Variants in METTL15 observed in about 807,000 individuals in gnomAD.
METTL15 encodes the protein 12S rRNA N(4)-cytidine methyltransferase METTL15.
METTL15 carries 34 observed loss-of-function variants against 38.3 expected under a neutral mutation model. That is an observed-to-expected ratio of 0.89 (90% confidence interval 0.68 to 1.18). The LOEUF (loss-of-function observed/expected upper bound fraction) is 1.18. METTL15 is among the 50% of genes most tolerant of loss of function. The pLI is 0.00. For synonymous variants in METTL15, 162 were observed against 170.9 expected (o/e 0.95, Z 0.41); for missense variants, 438 against 498.4 (o/e 0.88, Z 1.15).
chr11:28,275,452 G>A (rs181900703), intron 4 of METTL15, among the ~76,000 whole-genome samples: 69 of 151,966 alleles, frequency 4.5e-4, no homozygotes, highest in Middle Eastern at 3.4e-3. Flanking sequence ...GCAAGGTTGA[G>A]TCAGTAATAA....
intron 3 of METTL15, among the ~76,000 whole-genome samples, chr11:28,122,984 A>G (rs1852316043): frequency 6.6e-6 from 1 of 152,142 alleles, no homozygotes; most frequent in Non-Finnish European, 1.5e-5. Flanking sequence ...TTATGGTTTC[A>G]TAGTTGATAA....
chr11:28,395,922 G>A (rs1850563367), intron 5 of METTL15, among the ~76,000 whole-genome samples: 1 of 152,042 alleles, frequency 6.6e-6, no homozygotes, highest in African/African-American at 2.4e-5. Flanking sequence ...TTCATCCCTG[G>A]GATGCAAGGC....
chr11:28,421,047 CAAAT>C (rs772047575), intron 5 of METTL15, among the ~76,000 whole-genome samples: 2 of 151,770 alleles, frequency 1.3e-5, no homozygotes, highest in Non-Finnish European at 2.9e-5. Flanking sequence ...TGCAAAAACT[CAAAT>C]TAATAGTCAA....
intron 4 of METTL15, among the ~76,000 whole-genome samples, chr11:28,222,748 T>C (rs1371355123): frequency 2.0e-5 from 3 of 152,134 alleles, no homozygotes; most frequent in East Asian, 1.9e-4. Flanking sequence ...AAAATAAATA[T>C]GATTATGTAA....
Position 28,113,422 on chromosome 11 carries a change from C to G in METTL15, c.88C>G (p.Pro30Ala), listed in dbSNP as rs953667667. ...ESGIPNLGVWPNRIHTTAEKY... is the reference protein window; with the variant it reads ...ESGIPNLGVWANRIHTTAEKY... The stretch of plus-strand genomic sequence containing the variant: ...TGGCATACCTAATTTAGGTGTCTGG[C>G]CAAACAGAATACATACTACAGCAGA... The change falls in exon 3 of 7, where the codon CCA (proline) becomes GCA (alanine). Residue 30 changes from proline to alanine, a missense_variant. Pro to Ala is a conservative substitution (Grantham distance 27, BLOSUM62 -1). Transcript: ENST00000407364. 11 of 1,595,830 alleles carry G rather than the reference C, an allele frequency of 6.9e-6. No homozygotes were observed. The Admixed American group carries it at 1.5e-4, about 22-fold the overall frequency.
intron 5 of METTL15, among the ~76,000 whole-genome samples, chr11:28,383,795 A>G (rs1259306574): frequency 1.3e-5 from 2 of 152,026 alleles, no homozygotes; most frequent in Non-Finnish European, 2.9e-5. Context: ...TCCTTTGACC[A>G]CTTTTATTTT....
intron 6 of METTL15, among the ~76,000 whole-genome samples, chr11:28,430,834 C>CCCGTCCGGGAGGGAGG (rs1165362527): frequency 9.9e-6 from 1 of 101,062 alleles, no homozygotes; most frequent in Admixed American, 9.4e-5. Context: ...GGCCAGCCGC[C>CCCGTCCGGGAGGGAGG]TGGTCCGGGA....
intron 5 of METTL15, among the ~76,000 whole-genome samples, chr11:28,402,600 C>A (rs906846977): frequency 6.6e-6 from 1 of 151,934 alleles, no homozygotes; most frequent in South Asian, 2.1e-4. Context: ...CTGTCACTTT[C>A]AGAGGCAGAG....
chr11:28,509,354 T>G (rs1851655957), intron 6 of METTL15, among the ~76,000 whole-genome samples: 1 of 152,212 alleles, frequency 6.6e-6, no homozygotes, highest in South Asian at 2.1e-4. Context: ...AGCATAGTGC[T>G]TAGCACAAAG....
At position 28,495,431 on chromosome 11, in the gene METTL15, C is replaced by A. The variant is rs143041204; in HGVS notation, c.*425-31047C>A. Among the ~76,000 whole-genome samples, 769 of 152,262 alleles carry A rather than the reference C, an allele frequency of 5.1e-3. 3 individuals carry two copies. Among genetic ancestry groups the A allele is most frequent in the African/African-American group, 0.017 (719 of 41,540 alleles). On this transcript the variant is annotated intron_variant and NMD_transcript_variant, in intron 6 of 7. Coordinates refer to the METTL15 transcript ENST00000532947. ...CAATAATGAGAGTCCAGCTAATTTG[C>A]AAGCTCTCCCCTATTAAAGATGCTG...
chr11:28,214,988 A>T (rs1565173060), intron 4 of METTL15, among the ~76,000 whole-genome samples: 3 of 152,212 alleles, frequency 2.0e-5, no homozygotes, highest in Admixed American at 2.0e-4. Flanking sequence ...AATTTATTTG[A>T]CATAGTTTTA....
intron 4 of METTL15, among the ~76,000 whole-genome samples, chr11:28,277,090 A>G (rs764529453): frequency 1.1e-4 from 17 of 152,226 alleles, no homozygotes; most frequent in Non-Finnish European, 2.1e-4. Context: ...AGCAAAAGAA[A>G]TAATCAATAG....
At chr11:28,449,693 G>C (rs1851103866) in intron 6 of METTL15, among the ~76,000 whole-genome samples, 1 of 152,112 alleles carries the variant, frequency 6.6e-6, no homozygotes, top group South Asian at 2.1e-4. Flanking sequence ...TGACGCTTCA[G>C]TTCTAGACAT....
At chr11:28,228,002 T>G (rs1853548731) in intron 4 of METTL15, among the ~76,000 whole-genome samples, 1 of 151,964 alleles carries the variant, frequency 6.6e-6, no homozygotes, top group Non-Finnish European at 1.5e-5. Flanking sequence ...TAGGTGAAAC[T>G]GAAGTTAATA....
intron 6 of METTL15, among the ~76,000 whole-genome samples, chr11:28,453,630 T>C (rs1050213597): frequency 6.6e-6 from 1 of 152,372 alleles, no homozygotes; most frequent in Admixed American, 6.5e-5. Context: ...AGGATTCTGA[T>C]AGTTGACATC....
At chr11:28,520,400 TG>T (rs1226474637) in intron 6 of METTL15, among the ~76,000 whole-genome samples, 6 of 152,016 alleles carry the variant, frequency 3.9e-5, no homozygotes, top group Non-Finnish European at 7.4e-5. Flanking sequence ...AGAAGGGAAC[TG>T]GGTAATCAAG....
intron 3 of METTL15, chr11:28,197,460 T>C (rs928767254): frequency 5.2e-5 from 23 of 444,680 alleles, no homozygotes; most frequent in Admixed American, 9.5e-5. Flanking sequence ...ATGTGTATTG[T>C]CTTATTTGCA....
At chr11:28,380,311 G>T (rs569806225) in intron 5 of METTL15, among the ~76,000 whole-genome samples, 71 of 151,846 alleles carry the variant, frequency 4.7e-4, no homozygotes, top group African/African-American at 1.6e-3. Context: ...GGGACTACAG[G>T]CACCTGCCAT....
intron 3 of METTL15, among the ~76,000 whole-genome samples, chr11:28,141,152 G>T (rs762618338): frequency 1.8e-4 from 27 of 152,124 alleles, no homozygotes; most frequent in Non-Finnish European, 4.0e-4. Flanking sequence ...AGGGTTTTTA[G>T]CGGTAATTTG....
Sources: gnomAD v4.1 joint callset for allele counts (sites outside exome capture counted in the v4.1 genomes callset) on GRCh38, gnomAD v4.1.1 for gene constraint, MANE v1.5 for transcripts, NCBI Gene and HGNC (gene_info 2026-07-23, HGNC 2026-07-21) for gene names.